NUMBL: variants seen among roughly 807,000 people sequenced by gnomAD.
The protein encoded by NUMBL is NUMB like endocytic adaptor protein, also known as numb-like protein.
Under a neutral mutation model 48.9 loss-of-function variants are expected in NUMBL, and 20 were observed. That is an observed-to-expected ratio of 0.41 (90% CI 0.29 to 0.59). NUMBL has a LOEUF of 0.59. Ranked by LOEUF, NUMBL falls within the 20% of genes least tolerant of loss-of-function variation. The pLI is 0.31. For missense variants in NUMBL, 660 were observed against 846.2 expected (o/e 0.78, Z 2.73); for synonymous variants, 340 against 348.7 (o/e 0.98, Z 0.28).
In NUMBL at chr19:40,677,212, G is replaced by A; in HGVS notation, c.730+20C>T. 3 of 1,549,468 alleles carry A rather than the reference G, an allele frequency of 1.9e-6. No individual in the cohort carries two copies. Among genetic ancestry groups the A allele is most frequent in the Non-Finnish European group, 2.6e-6 (3 of 1,147,192 alleles). On this transcript the variant is annotated intron_variant, in intron 7 of 9. Transcript: ENST00000252891. ...CCTGTGCCCACTCTGTGCTCTGCTGGCGCTTGGGGCAACACCCACCTTTCT... is the reference window on the plus strand; with the variant it reads ...CCTGTGCCCACTCTGTGCTCTGCTGACGCTTGGGGCAACACCCACCTTTCT...
chr19:40,678,154 A>C (rs2081887651), intron 6 of NUMBL, among the ~76,000 whole-genome samples: 1 of 151,930 alleles, frequency 6.6e-6, no homozygotes, highest in South Asian at 2.1e-4. Context: ...TGATGGAATT[A>C]ATGCCCTTAT....
intron 7 of NUMBL, among the ~76,000 whole-genome samples, chr19:40,676,885 G>A (rs2081878931): frequency 6.6e-6 from 1 of 151,608 alleles, no homozygotes; most frequent in African/African-American, 2.4e-5. Context: ...CGTGATCTCG[G>A]CTCACTGCAA....
chr19:40,676,703 A>AC (rs1294880915), intron 7 of NUMBL, among the ~76,000 whole-genome samples: 1 of 151,870 alleles, frequency 6.6e-6, no homozygotes, highest in Admixed American at 6.6e-5. Flanking sequence ...AAAAAAAAAA[A>AC]AAACAAACAA....
chr19:40,686,721 G>A (rs547065420), intron 2 of NUMBL, among the ~76,000 whole-genome samples, 190 bp downstream of exon 2: 119 of 151,334 alleles, frequency 7.9e-4, no homozygotes, highest in African/African-American at 2.8e-3. Context: ...CTCTGCACTT[G>A]AGGCTGTAAG....
intron 7 of NUMBL, among the ~76,000 whole-genome samples, chr19:40,674,385 C>T (rs2081863906): frequency 6.6e-6 from 1 of 152,172 alleles, no homozygotes; most frequent in Non-Finnish European, 1.5e-5. Context: ...CTGGCTCCCT[C>T]CACTCTGAGA....
At chr19:40,677,993 G>T (rs1013778040) in intron 6 of NUMBL, among the ~76,000 whole-genome samples, 2 of 152,142 alleles carry the variant, frequency 1.3e-5, no homozygotes, top group Admixed American at 6.6e-5. Context: ...TTCGTTGACT[G>T]TACACCAAAG....
intron 2 of NUMBL, among the ~76,000 whole-genome samples, chr19:40,686,562 G>A (rs143291806): frequency 6.6e-6 from 1 of 152,012 alleles, no homozygotes; most frequent in Non-Finnish European, 1.5e-5. Flanking sequence ...GTGTGTGTGT[G>A]TATATATGTG....
intron 8 of NUMBL, among the ~76,000 whole-genome samples, chr19:40,672,931 G>A (rs531512158): frequency 6.6e-5 from 10 of 152,200 alleles, no homozygotes; most frequent in Non-Finnish European, 1.5e-4. Flanking sequence ...GTCTACTCCT[G>A]AGCAAAAACA....
At chr19:40,680,796 C>T in intron 6 of NUMBL, 121 bp downstream of exon 6, 2 of 1,133,416 alleles carry the variant, frequency 1.8e-6, no homozygotes, top group East Asian at 2.4e-5. Context: ...CTTTCTTCTC[C>T]AGATGAGGAA....
intron 6 of NUMBL, among the ~76,000 whole-genome samples, chr19:40,679,000 AG>A (rs1184024567): frequency 2.6e-5 from 4 of 152,102 alleles, no homozygotes; most frequent in Non-Finnish European, 5.9e-5. Flanking sequence ...CTGTGGCAGG[AG>A]AATCACTTGA....
Position 40,688,321 on chromosome 19 carries a change from CAA to C in NUMBL, c.25-1328_25-1327del, listed in dbSNP as rs1484825645. Among the ~76,000 whole-genome samples, 1 of 152,222 alleles carries C rather than the reference CAA, an allele frequency of 6.6e-6. No individual in the cohort carries two copies. Among genetic ancestry groups the C allele is most frequent in the Non-Finnish European group, 1.5e-5 (1 of 68,038 alleles). ...TCACAGCCCCGTGTGGACAGGTGCA[CAA>C]AGTCACAAGCCCCACCTACACACAT... On this transcript the variant is annotated intron_variant, in intron 1 of 9. Coordinates refer to ENST00000252891, the MANE Select transcript of NUMBL (RefSeq NM_004756.5). The surrounding 1 kb of genome is among the most constrained non-coding windows in gnomAD (Gnocchi z 4.6).
At chr19:40,677,655 G>A (rs1267529668) in intron 6 of NUMBL, among the ~76,000 whole-genome samples, 1 of 152,198 alleles carries the variant, frequency 6.6e-6, no homozygotes, top group East Asian at 1.9e-4. Context: ...AATTCCAGAA[G>A]AGGCAAAACT....
chr19:40,667,795 C>T lies in NUMBL; in HGVS notation c.1503G>A (p.Pro501=), dbSNP rs747461235. The change falls in exon 10 of 10, where the codon CCG becomes CCA. Residue 501 remains proline (P), a synonymous_variant. Coordinates refer to ENST00000252891, the MANE Select transcript of NUMBL (RefSeq NM_004756.5). The surrounding 1 kb of genome is among the most constrained non-coding windows in gnomAD (Gnocchi z 6.1). ...VPAYPGLGYP[P]MPRVPVVGIT... is the part of the protein sequence containing the mutation. The stretch of plus-strand genomic sequence containing the variant: ...TGCCCACCACGGGCACCCGGGGCAT[C>T]GGTGGGTAGCCCAAGCCCGGGTAGG... The T allele has an allele frequency of 3.2e-6, 5 of 1,582,468 alleles. No individual in the cohort carries two copies. The highest frequency in any genetic ancestry group is 2.7e-5 in the African/African-American group (2 of 74,452).
intron 9 of NUMBL, 122 bp downstream of exon 9, chr19:40,669,776 T>A (rs2144648736): frequency 1.6e-6 from 2 of 1,279,028 alleles, no homozygotes; most frequent in East Asian, 4.9e-5. Flanking sequence ...GGCTCTGAGG[T>A]GATCCATGGT....
rs1599919760 is a variant in NUMBL, at chr19:40,690,630, C to T, written c.-147G>A. ...TGGTGCGGGATGCACGCGCGCGAGCCTCCTCGGCTCCCGGGAGGATTCCGT... is the reference window on the plus strand; with the variant it reads ...TGGTGCGGGATGCACGCGCGCGAGCTTCCTCGGCTCCCGGGAGGATTCCGT... On this transcript the variant is annotated 5_prime_UTR_variant, in exon 1 of 10. Coordinates refer to ENST00000252891, the MANE Select transcript of NUMBL (RefSeq NM_004756.5). The T allele has an allele frequency of 1.3e-5, 5 of 390,620 alleles. No individual in the cohort carries two copies. The highest frequency in any genetic ancestry group is 1.3e-5 in the Non-Finnish European group (3 of 230,938). The allele number at this position is 390,620 out of a possible 1,614,324, so 24.2% of individuals were successfully genotyped here.
intron 6 of NUMBL, among the ~76,000 whole-genome samples, chr19:40,678,255 C>T (rs539780985): frequency 1.1e-4 from 16 of 152,202 alleles, no homozygotes; most frequent in South Asian, 2.1e-4. Flanking sequence ...CTCCACCTCC[C>T]GGCTTCAAGC....
rs996603309 is a variant in NUMBL, at chr19:40,674,254, G to A, written c.731-605C>T. On this transcript the variant is annotated intron_variant, in intron 7 of 9. Transcript: ENST00000252891. ...TCTCTGTCACTGTCTGTTCCCCTCTGTCTCCCACCTCCCAGCCTTCTTCCC... is the reference window on the plus strand; with the variant it reads ...TCTCTGTCACTGTCTGTTCCCCTCTATCTCCCACCTCCCAGCCTTCTTCCC... Among the ~76,000 whole-genome samples the A allele has an allele frequency of 2.0e-5, 3 of 152,180 alleles. No individual in the cohort carries two copies. The East Asian group carries it at 5.8e-4, about 29-fold the overall frequency.
chr19:40,689,806 G>A (rs1033703748), intron 1 of NUMBL, among the ~76,000 whole-genome samples: 1 of 152,038 alleles, frequency 6.6e-6, no homozygotes, highest in East Asian at 2.0e-4. Flanking sequence ...GGGGGTGGAG[G>A]GATTGGGGGT....
chr19:40,684,622 G>A, intron 2 of NUMBL, 66 bp from the exon 3 acceptor site: 1 of 1,531,674 alleles, frequency 6.5e-7, no homozygotes, highest in Non-Finnish European at 8.8e-7. Context: ...TCAACGGGGA[G>A]GGACCAGTGC....
Sources: allele counts gnomAD v4.1 joint callset (sites outside exome capture counted in the v4.1 genomes callset), GRCh38; gene constraint gnomAD v4.1.1; non-coding constraint Gnocchi (gnomAD v3.1); transcripts MANE v1.5; gene names NCBI Gene and HGNC (gene_info 2026-07-23, HGNC 2026-07-21).